TNRC6A: variants seen among roughly 807,000 people sequenced by gnomAD.
TNRC6A encodes trinucleotide repeat containing adaptor 6A.
Under a neutral mutation model 221.2 loss-of-function variants are expected in TNRC6A, and 44 were observed. That is an observed-to-expected ratio of 0.20 (90% confidence interval 0.16 to 0.26). The LOEUF (loss-of-function observed/expected upper bound fraction) is 0.26, where lower values mean the gene tolerates loss of function less well. Ranked by LOEUF, TNRC6A falls within the 10% of genes least tolerant of loss-of-function variation. The pLI is 1.00. For synonymous variants in TNRC6A, 847 were observed against 838.5 expected (o/e 1.01, Z -0.18); for missense variants, 2,199 against 2,404.4 (o/e 0.91, Z 1.79).
At chr16:24,675,339 C>G (rs56290710) in intron 2 of TNRC6A, among the ~76,000 whole-genome samples, 14,762 of 152,060 alleles carry the variant, frequency 0.097, 978 homozygotes, top group Middle Eastern at 0.18. Flanking sequence ...GCCTGAATTT[C>G]CTAAGATTTC....
Position 24,805,702 on chromosome 16 carries a change from T to C in TNRC6A, c.4220T>C (p.Leu1407Pro). 6.2e-7 allele frequency: 1 copy of C among 1,614,228 alleles called. No homozygotes were observed. Among genetic ancestry groups the C allele is most frequent in the Non-Finnish European group, 8.5e-7 (1 of 1,180,044 alleles). The change falls in exon 15 of 25, where the codon CTA becomes CCA. Residue 1407 changes from leucine to proline, a missense_variant. By Grantham distance (98) the Leu-to-Pro change is moderately conservative. Coordinates refer to ENST00000395799, the MANE Select transcript of TNRC6A (RefSeq NM_014494.4). ...QVAMLNQLSQ[L>P]NQLSQISQLQ... ...GCCATGCTGAACCAGCTATCCCAGC[T>C]AAACCAGCTTTCTCAGATCTCCCAG...
At chr16:24,649,084 C>T (rs1414138458) in intron 2 of TNRC6A, among the ~76,000 whole-genome samples, 1 of 151,932 alleles carries the variant, frequency 6.6e-6, no homozygotes, top group East Asian at 1.9e-4. Flanking sequence ...AGTTTGAAAT[C>T]AGCCTGGGCA....
chr16:24,736,707 C>T (rs1432342164), intron 2 of TNRC6A, among the ~76,000 whole-genome samples: 1 of 152,196 alleles, frequency 6.6e-6, no homozygotes, highest in Non-Finnish European at 1.5e-5. Flanking sequence ...CTCCCCACAG[C>T]ATTTTGAAGT....
At chr16:24,778,213 A>T in intron 5 of TNRC6A, 1 of 849,042 alleles carries the variant, frequency 1.2e-6, no homozygotes, top group Non-Finnish European at 1.4e-6. Context: ...TGGGCAGGTT[A>T]CTTAATTGCT....
chr16:24,748,628 T>C (rs2057066896), intron 2 of TNRC6A, among the ~76,000 whole-genome samples: 1 of 152,190 alleles, frequency 6.6e-6, no homozygotes, highest in Non-Finnish European at 1.5e-5. Flanking sequence ...TTGTGCATAA[T>C]GTCATTCATT....
rs367761910 is a variant in TNRC6A at position 24,823,410 on chromosome 16, C to T, written c.5514-22C>T. 56 of 1,589,214 alleles carry T rather than the reference C, an allele frequency of 3.5e-5. No homozygotes were observed. Among genetic ancestry groups the T allele is most frequent in the Non-Finnish European group, 4.5e-5 (53 of 1,165,348 alleles). On this transcript the variant is annotated intron_variant, in intron 24 of 24. Coordinates refer to ENST00000395799, the MANE Select transcript of TNRC6A (RefSeq NM_014494.4). The surrounding 1 kb of genome is among the most constrained non-coding windows in gnomAD (Gnocchi z 4.3). ...CTCCTGGTGTGCTGTCCTCACGTGT[C>T]CGCGGTGCCTCTCTCCTCTAGGTGT...
At position 24,823,422 on chromosome 16, in the gene TNRC6A, T is replaced by TCTC. The variant is rs775767585; in HGVS notation, c.5514-6_5514-4dup. 3.1e-6 allele frequency: 5 copies of TCTC among 1,599,412 alleles called. No homozygotes were observed. In the Admixed American group the frequency reaches 8.4e-5, roughly 27 times the overall value. The stretch of plus-strand genomic sequence containing the variant: ...TGTCCTCACGTGTCCGCGGTGCCTC[T>TCTC]CTCCTCTAGGTGTGTACTGGGGAAC... On this transcript the variant is annotated splice_polypyrimidine_tract_variant and intron_variant, in intron 24 of 24. Coordinates refer to ENST00000395799, the MANE Select transcript of TNRC6A (RefSeq NM_014494.4). This position sits in a 1 kb window ranked among gnomAD's most constrained non-coding sequence, Gnocchi z 4.3.
intron 2 of TNRC6A, among the ~76,000 whole-genome samples, chr16:24,655,593 G>A (rs1182534476): frequency 2.0e-5 from 3 of 151,964 alleles, no homozygotes; most frequent in African/African-American, 7.2e-5. Flanking sequence ...GGAGGCTGAA[G>A]TAGAAGAATT....
Position 24,708,036 on chromosome 16 carries a change from G to A in TNRC6A, n.403-42690G>A, listed in dbSNP as rs1260085907. On this transcript the variant is annotated intron_variant and non_coding_transcript_variant, in intron 2 of 2. Coordinates refer to the TNRC6A transcript ENST00000566108. The stretch of plus-strand genomic sequence containing the variant: ...ATCGTGCCACTGCACTGCAGCCTGG[G>A]TGACAGAGTGAGACTCTGTCAAAAA... 8.4e-5 allele frequency among the ~76,000 whole-genome samples: 12 copies of A among 142,358 alleles called. No individual in the cohort carries two copies. In the Admixed American group the frequency reaches 8.6e-4, roughly 10 times the overall value. The allele number at this position is 142,358 out of a possible 152,430, so 93.4% of individuals were successfully genotyped here.
At chr16:24,612,680 G>A (rs367811746) in intron 1 of TNRC6A, among the ~76,000 whole-genome samples, 5 of 152,040 alleles carry the variant, frequency 3.3e-5, no homozygotes, top group South Asian at 4.2e-4. Flanking sequence ...CCAGGAGGTC[G>A]AGGCTGCAGT....
intron 2 of TNRC6A, among the ~76,000 whole-genome samples, chr16:24,651,181 T>C (rs1567325857): frequency 7.4e-6 from 1 of 135,132 alleles, no homozygotes; most frequent in Non-Finnish European, 1.6e-5. Context: ...CAACTGGGTA[T>C]GGCAAAAAAA....
At chr16:24,730,371 G>C in intron 2 of TNRC6A, 71 bp downstream of exon 2, 1 of 1,536,634 alleles carries the variant, frequency 6.5e-7, no homozygotes, top group Non-Finnish European at 8.8e-7. Context: ...CGCCTTTTCT[G>C]GGTTGAGAAG....
At chr16:24,711,015 A>G (rs1425552937) in intron 2 of TNRC6A, among the ~76,000 whole-genome samples, 1 of 152,056 alleles carries the variant, frequency 6.6e-6, no homozygotes, top group Admixed American at 6.6e-5. Context: ...AGCTGGGACT[A>G]CACGCATGTG....
intron 4 of TNRC6A, among the ~76,000 whole-genome samples, chr16:24,759,550 C>G (rs989545918): frequency 6.6e-6 from 1 of 152,066 alleles, no homozygotes; most frequent in Non-Finnish European, 1.5e-5. Flanking sequence ...TCTTTTGTCT[C>G]TAGAGTTGGG....
chr16:24,778,486 G>A (rs2057773155), intron 5 of TNRC6A: 1 of 985,240 alleles, frequency 1.0e-6, no homozygotes, highest in Non-Finnish European at 1.2e-6. Flanking sequence ...TTCTAGCATA[G>A]GCACATTGTT....
At chr16:24,643,193 A>T (rs979513948) in intron 2 of TNRC6A, among the ~76,000 whole-genome samples, 8 of 149,028 alleles carry the variant, frequency 5.4e-5, no homozygotes. Context: ...AGGAAGTAGG[A>T]TGCTGAGACA....
intron 2 of TNRC6A, chr16:24,664,773 A>T (rs1047546494): frequency 3.8e-5 from 8 of 211,814 alleles, no homozygotes; most frequent in Admixed American, 2.7e-4. Flanking sequence ...CCCAAATCAC[A>T]CACACACACA....
At chr16:24,655,517 C>T (rs994962554) in intron 2 of TNRC6A, among the ~76,000 whole-genome samples, 1 of 151,820 alleles carries the variant, frequency 6.6e-6, no homozygotes, top group South Asian at 2.1e-4. Flanking sequence ...GGTGAAACCC[C>T]GTCTCTACTA....
At chr16:24,701,648 G>C (rs2055979437) in intron 2 of TNRC6A, among the ~76,000 whole-genome samples, 1 of 152,194 alleles carries the variant, frequency 6.6e-6, no homozygotes, top group Admixed American at 6.6e-5. Context: ...TTACAGGCGT[G>C]AGCCACAGTG....
Sources: gnomAD v4.1 joint callset for allele counts (sites outside exome capture counted in the v4.1 genomes callset) on GRCh38, gnomAD v4.1.1 for gene constraint, Gnocchi (gnomAD v3.1) non-coding constraint, MANE v1.5 for transcripts, NCBI Gene and HGNC (gene_info 2026-07-23, HGNC 2026-07-21) for gene names.